IL17RD: variants seen among roughly 807,000 people sequenced by gnomAD.
IL17RD encodes interleukin-17 receptor D.
A neutral mutation model predicts 80.5 loss-of-function variants in IL17RD; 52 were observed. The ratio of observed to expected loss-of-function variants is 0.65; its 90% CI spans 0.52 to 0.81. IL17RD has a LOEUF of 0.81. Among genes scored for constraint, IL17RD ranks in the 40% least tolerant of loss-of-function variants. IL17RD has a pLI of 0.00. For synonymous variants in IL17RD, 416 were observed against 391.8 expected (o/e 1.06, Z -0.73); for missense variants, 1,024 against 955.1 (o/e 1.07, Z -0.95).
intron 1 of IL17RD, among the ~76,000 whole-genome samples, chr3:57,138,414 T>A (rs765573352): frequency 6.6e-6 from 1 of 152,056 alleles, no homozygotes; most frequent in Non-Finnish European, 1.5e-5. Flanking sequence ...GGTGGAAGAC[T>A]GGAGCGAGGT....
chr3:57,146,287 C>T (rs1242615932), intron 1 of IL17RD, among the ~76,000 whole-genome samples: 1 of 152,300 alleles, frequency 6.6e-6, no homozygotes, highest in East Asian at 1.9e-4. Flanking sequence ...TCTTCCCTAA[C>T]ACTCTCTACT....
At chr3:57,103,652 T>C (rs1044819811) in intron 8 of IL17RD, among the ~76,000 whole-genome samples, 1 of 152,260 alleles carries the variant, frequency 6.6e-6, no homozygotes, top group East Asian at 1.9e-4. Context: ...TATACTCTTA[T>C]TATTTGTAGT....
At chr3:57,140,779 A>T (rs531546645) in intron 1 of IL17RD, among the ~76,000 whole-genome samples, 2 of 152,330 alleles carry the variant, frequency 1.3e-5, no homozygotes, top group African/African-American at 4.8e-5. Context: ...CCAGACACCC[A>T]GAACAGGTCT....
intron 1 of IL17RD, among the ~76,000 whole-genome samples, chr3:57,124,094 C>T (rs1307229871): frequency 6.6e-6 from 1 of 152,106 alleles, no homozygotes; most frequent in African/African-American, 2.4e-5. Flanking sequence ...TCCTCAAGTG[C>T]ACAGCTTCTC....
chr3:57,127,181 C>CATATAT lies in IL17RD; in HGVS notation c.127-6874_127-6869dup, dbSNP rs796997910. 3.8e-4 allele frequency among the ~76,000 whole-genome samples: 41 copies of CATATAT among 109,118 alleles called. No homozygotes were observed. The South Asian group carries it at 4.5e-3, about 12-fold the overall frequency. The allele number at this position is 109,118 out of a possible 152,430, so 71.6% of individuals were successfully genotyped here. ...TAACTACTTAAAACTAAGGCCAACTCATATATATATATATATAAATATATA... is the reference window on the plus strand; with the variant it reads ...TAACTACTTAAAACTAAGGCCAACTCATATATATATATATATATATATAAATATATA... On this transcript the variant is annotated intron_variant, in intron 1 of 12. Coordinates refer to ENST00000296318, the MANE Select transcript of IL17RD (RefSeq NM_017563.5).
chr3:57,145,028 A>AT (rs1456575883), intron 1 of IL17RD, among the ~76,000 whole-genome samples: 1 of 152,210 alleles, frequency 6.6e-6, no homozygotes, highest in African/African-American at 2.4e-5. Flanking sequence ...CAGTTCTGCA[A>AT]TTACCCATAT....
intron 9 of IL17RD, 85 bp from the exon 10 acceptor site, chr3:57,102,674 G>A (rs1039920428): frequency 1.3e-5 from 8 of 596,926 alleles, no homozygotes; most frequent in Non-Finnish European, 1.5e-5. Context: ...TTAAACATAA[G>A]CCGCATAACA....
chr3:57,151,471 T>C (rs987274226), intron 1 of IL17RD, among the ~76,000 whole-genome samples: 5 of 152,168 alleles, frequency 3.3e-5, no homozygotes, highest in Admixed American at 3.3e-4. Context: ...AATTTAATCA[T>C]ATGTCTTGGA....
chr3:57,112,431 G>C (rs1707120245), intron 3 of IL17RD, among the ~76,000 whole-genome samples: 1 of 152,164 alleles, frequency 6.6e-6, no homozygotes, highest in Non-Finnish European at 1.5e-5. Flanking sequence ...AAGTGTCCTT[G>C]ATAGAACCTA....
intron 4 of IL17RD, 117 bp from the exon 5 acceptor site, chr3:57,109,774 A>C: frequency 1.9e-6 from 2 of 1,034,364 alleles, no homozygotes; most frequent in Non-Finnish European, 2.8e-6. Context: ...GCTGCAGGAC[A>C]TGTTCCAGGG....
intron 1 of IL17RD, among the ~76,000 whole-genome samples, chr3:57,143,620 GC>G (rs1422630088): frequency 2.0e-5 from 3 of 152,194 alleles, no homozygotes; most frequent in African/African-American, 7.2e-5. Flanking sequence ...AAAAACGCTG[GC>G]CCCACATAAA....
At position 57,154,283 on chromosome 3, in the gene IL17RD, T is replaced by TATATACACACACACAC. The variant is rs904157398; in HGVS notation, c.126+10877_126+10878insGTGTGTGTGTGTATAT. 9.7e-3 allele frequency among the ~76,000 whole-genome samples: 1,093 copies of TATATACACACACACAC among 112,716 alleles called. 13 individuals carry two copies. The highest frequency in any genetic ancestry group is 0.033 in the African/African-American group (1,048 of 31,416). 73.9% of individuals were successfully genotyped at this position (112,716 alleles called of 152,430 possible). ...AATTATATATATATATATATATATA[T>TATATACACACACACAC]ACACACACACACACACACATACATA... On this transcript the variant is annotated intron_variant, in intron 1 of 12. Transcript: ENST00000296318.
intron 1 of IL17RD, chr3:57,164,778 G>C: frequency 1.8e-6 from 1 of 541,682 alleles, no homozygotes. Context: ...GCGCAACCCG[G>C]TCCGGGTGGC....
intron 1 of IL17RD, among the ~76,000 whole-genome samples, chr3:57,133,944 A>C (rs1394159713): frequency 4.6e-5 from 7 of 152,248 alleles, no homozygotes; most frequent in Admixed American, 4.6e-4. Flanking sequence ...TTACAAAATC[A>C]AAGTAATATG....
chr3:57,105,552 A>AAAAAAAAATATATAT lies in IL17RD; in HGVS notation c.747+304_747+305insATATATATTTTTTTT. On this transcript the variant is annotated intron_variant, in intron 7 of 12. Coordinates refer to ENST00000296318, the MANE Select transcript of IL17RD (RefSeq NM_017563.5). ...ACTCCATCTCAAAAAAAAAAAAAAA[A>AAAAAAAAATATATAT]ATATATATATATATATATTTGTTCA... Among the ~76,000 whole-genome samples the AAAAAAAAATATATAT allele has an allele frequency of 3.7e-3, 234 of 63,478 alleles. 4 individuals are homozygous for AAAAAAAAATATATAT. Among genetic ancestry groups the AAAAAAAAATATATAT allele is most frequent in the Non-Finnish European group, 5.4e-3 (195 of 35,846 alleles). The allele number at this position is 63,478 out of a possible 152,430, so 41.6% of individuals were successfully genotyped here. A position where few individuals can be genotyped will look rare whatever the true frequency, so the allele number is the denominator to read the frequency against.
Position 57,165,331 on chromosome 3 carries a change from C to G in IL17RD, c.-45G>C, listed in dbSNP as rs1233348705. Reference sequence around the variant, plus strand: ...CAGGCCGTTCTCTGCGCCCCGGCCGCCCGCCGCTGGCCAGCCCCGAGTGGG... The same window carrying G: ...CAGGCCGTTCTCTGCGCCCCGGCCGGCCGCCGCTGGCCAGCCCCGAGTGGG... On this transcript the variant is annotated 5_prime_UTR_variant, in exon 1 of 13. Coordinates refer to ENST00000296318, the MANE Select transcript of IL17RD (RefSeq NM_017563.5). 3.8e-6 allele frequency: 5 copies of G among 1,310,504 alleles called. No individual in the cohort carries two copies. The highest frequency in any genetic ancestry group is 4.9e-6 in the Non-Finnish European group (5 of 1,024,174). 81.2% of individuals were successfully genotyped at this position (1,310,504 alleles called of 1,614,324 possible). A position where few individuals can be genotyped will look rare whatever the true frequency, so the allele number is the denominator to read the frequency against.
intron 1 of IL17RD, among the ~76,000 whole-genome samples, chr3:57,121,765 T>A (rs1209320835): frequency 6.6e-6 from 1 of 152,146 alleles, no homozygotes; most frequent in Non-Finnish European, 1.5e-5. Context: ...AACCTGCAGA[T>A]GGCAGACACC....
chr3:57,111,279 G>C lies in IL17RD; in HGVS notation c.311-968C>G, dbSNP rs181944998. On this transcript the variant is annotated intron_variant, in intron 3 of 12. Coordinates refer to ENST00000296318, the MANE Select transcript of IL17RD (RefSeq NM_017563.5). ...GGAAAATCTTTTTCTCTTTCAAATA[G>C]GTTCTCCAATCCTATAATTATTTGA... 1.7e-3 allele frequency among the ~76,000 whole-genome samples: 261 copies of C among 152,288 alleles called. 2 individuals are homozygous for C. Among genetic ancestry groups the C allele is most frequent in the African/African-American group, 6.2e-3 (256 of 41,572 alleles).
intron 11 of IL17RD, among the ~76,000 whole-genome samples, chr3:57,099,335 T>C (rs1706774196): frequency 6.6e-6 from 1 of 152,200 alleles, no homozygotes. Flanking sequence ...ACTGTGGGCG[T>C]GGCTGACAAA....
Sources: gnomAD v4.1 joint callset for allele counts (sites outside exome capture counted in the v4.1 genomes callset) on GRCh38, gnomAD v4.1.1 for gene constraint, MANE v1.5 for transcripts, NCBI Gene and HGNC (gene_info 2026-07-23, HGNC 2026-07-21) for gene names.